Variants in EYS observed in about 807,000 individuals in gnomAD.
The protein encoded by EYS is protein eyes shut homolog.
A neutral mutation model predicts 282.1 loss-of-function variants in EYS; 250 were observed. The ratio of observed to expected loss-of-function variants is 0.89; its 90% CI spans 0.80 to 0.98. EYS has a LOEUF of 0.98. EYS is among the 50% of genes least tolerant of loss of function. EYS has a pLI of 0.00. For missense variants in EYS, 4,016 were observed against 3,709.0 expected (o/e 1.08, Z -2.15); for synonymous variants, 1,355 against 1,282.9 (o/e 1.06, Z -1.20).
In EYS at chr6:65,334,731, A is replaced by G. The variant is rs7758925; in HGVS notation, c.1766+249T>C. Reference sequence around the variant, plus strand: ...TATGCTAACTTAATTCTACAATGACATAGAGAAGTTATTTCTATACAGATA... The same window carrying G: ...TATGCTAACTTAATTCTACAATGACGTAGAGAAGTTATTTCTATACAGATA... On this transcript the variant is annotated intron_variant, in intron 11 of 42. Transcript: ENST00000503581. 8.0e-3 allele frequency among the ~76,000 whole-genome samples: 1,219 copies of G among 151,972 alleles called. 14 individuals carry two copies. Among genetic ancestry groups the G allele is most frequent in the African/African-American group, 0.028 (1,166 of 41,514 alleles).
At chr6:64,516,610 G>T (rs1777566699) in intron 26 of EYS, among the ~76,000 whole-genome samples, 1 of 151,460 alleles carries the variant, frequency 6.6e-6, no homozygotes. Flanking sequence ...GTCAGTCCTA[G>T]AATGGCAGAC....
At chr6:64,031,545 CG>C (rs1769837473) in intron 33 of EYS, among the ~76,000 whole-genome samples, 1 of 152,250 alleles carries the variant, frequency 6.6e-6, no homozygotes, top group African/African-American at 2.4e-5. Context: ...GCTCCACCTG[CG>C]GCCCGGTGCA....
chr6:63,756,878 C>T (rs923942394), intron 41 of EYS, among the ~76,000 whole-genome samples: 2 of 152,116 alleles, frequency 1.3e-5, no homozygotes, highest in Non-Finnish European at 2.9e-5. Flanking sequence ...AATTTCTTAT[C>T]CCTGTCTTTA....
chr6:64,624,365 A>G (rs780689979), intron 23 of EYS, among the ~76,000 whole-genome samples: 11 of 152,314 alleles, frequency 7.2e-5, no homozygotes, highest in Admixed American at 1.3e-4. Context: ...CAAAATTTAT[A>G]TGGGTATTTT....
At chr6:64,260,883 T>C (rs1767562848) in intron 30 of EYS, among the ~76,000 whole-genome samples, 1 of 152,054 alleles carries the variant, frequency 6.6e-6, no homozygotes, top group South Asian at 2.1e-4. Context: ...TTTTAGTTTT[T>C]AGTTTTTAAT....
rs375520810 is a variant in EYS at position 64,436,458 on chromosome 6, T to C, written c.5836-193A>G. ...CCTAGATTTAATACATACAAATATA[T>C]GAGTATTATATAGATATAAATACAC... On this transcript the variant is annotated intron_variant, in intron 27 of 42. Coordinates refer to ENST00000503581, the MANE Select transcript of EYS (RefSeq NM_001142800.2). Among the ~76,000 whole-genome samples the C allele has an allele frequency of 1.2e-4, 18 of 151,990 alleles. No homozygotes were observed. In the East Asian group the frequency reaches 3.1e-3, roughly 26 times the overall value.
intron 31 of EYS, among the ~76,000 whole-genome samples, chr6:64,135,578 G>A (rs912044493): frequency 2.0e-5 from 3 of 151,946 alleles, no homozygotes; most frequent in African/African-American, 4.8e-5. Context: ...TTGGGTGTAG[G>A]TGAAACTGAC....
At chr6:64,672,265 G>T (rs1769489136) in intron 22 of EYS, among the ~76,000 whole-genome samples, 2 of 152,184 alleles carry the variant, frequency 1.3e-5, no homozygotes, top group African/African-American at 4.8e-5. Context: ...AGCAGCCACA[G>T]AACAGCAGTG....
chr6:64,946,920 A>G (rs1253763588), intron 14 of EYS, among the ~76,000 whole-genome samples: 1 of 151,960 alleles, frequency 6.6e-6, no homozygotes, highest in Admixed American at 6.6e-5. Context: ...TGTAGTGGCT[A>G]CTAGAAAAGT....
At chr6:64,042,838 T>TGG (rs1562170536) in intron 33 of EYS, among the ~76,000 whole-genome samples, 1 of 152,190 alleles carries the variant, frequency 6.6e-6, no homozygotes, top group Non-Finnish European at 1.5e-5. Flanking sequence ...TTTTCCTTTG[T>TGG]CTCCGCATCC....
At chr6:64,900,638 C>T (rs1003232567) in intron 18 of EYS, among the ~76,000 whole-genome samples, 4 of 152,186 alleles carry the variant, frequency 2.6e-5, no homozygotes, top group African/African-American at 9.7e-5. Context: ...AAAAGCTCAT[C>T]ATCACTGGTC....
chr6:64,363,690 A>G lies in EYS; in HGVS notation c.6078+25000T>C, dbSNP rs572687061. Among the ~76,000 whole-genome samples the G allele has an allele frequency of 2.6e-5, 4 of 152,052 alleles. No homozygotes were observed. The East Asian group carries it at 7.8e-4, about 30-fold the overall frequency. Reference sequence around the variant, plus strand: ...TTAAAAGCTATGCAAAATCATCGTCAATCTACCAAATAGTGTGTCAGAAGT... The same window carrying G: ...TTAAAAGCTATGCAAAATCATCGTCGATCTACCAAATAGTGTGTCAGAAGT... On this transcript the variant is annotated intron_variant, in intron 29 of 42. Transcript: ENST00000503581.
chr6:63,743,402 C>A (rs1769133010), intron 41 of EYS, among the ~76,000 whole-genome samples: 1 of 152,122 alleles, frequency 6.6e-6, no homozygotes, highest in South Asian at 2.1e-4. Flanking sequence ...TCAGCTTGCA[C>A]CTAAGTAATA....
At chr6:65,395,207 G>T (rs888400077) in intron 7 of EYS, among the ~76,000 whole-genome samples, 1 of 152,102 alleles carries the variant, frequency 6.6e-6, no homozygotes, top group Non-Finnish European at 1.5e-5. Flanking sequence ...AGGATTAAAG[G>T]CATGCGCCAC....
chr6:65,218,406 T>C (rs993119750), intron 12 of EYS, among the ~76,000 whole-genome samples: 1 of 152,134 alleles, frequency 6.6e-6, no homozygotes, highest in Non-Finnish European at 1.5e-5. Flanking sequence ...TTGTGATACC[T>C]CACTGAGGTA....
chr6:63,858,987 G>A (rs890933562), intron 36 of EYS, among the ~76,000 whole-genome samples: 6 of 148,136 alleles, frequency 4.1e-5, no homozygotes, highest in African/African-American at 1.3e-4. Flanking sequence ...GTAATACCTT[G>A]GCTTGTCTTT....
intron 12 of EYS, among the ~76,000 whole-genome samples, chr6:65,253,754 G>A (rs371763185): frequency 1.3e-5 from 2 of 151,794 alleles, no homozygotes; most frequent in African/African-American, 4.8e-5. Flanking sequence ...GAAAGTTAAA[G>A]TTAATAGAGT....
chr6:64,883,161 T>C (rs1035923028), intron 19 of EYS, among the ~76,000 whole-genome samples: 27 of 151,480 alleles, frequency 1.8e-4, no homozygotes, highest in Admixed American at 1.7e-3. Context: ...AGGCAGATTG[T>C]TTTACTTCTT....
intron 1 of EYS, among the ~76,000 whole-genome samples, chr6:65,674,209 G>C (rs59107941): frequency 1.3e-5 from 2 of 151,288 alleles, no homozygotes; most frequent in African/African-American, 2.4e-5. Flanking sequence ...GAGTTAAAGA[G>C]GTAAAACTCT....
Sources: allele counts gnomAD v4.1 joint callset (sites outside exome capture counted in the v4.1 genomes callset), GRCh38; gene constraint gnomAD v4.1.1; transcripts MANE v1.5; gene names NCBI Gene and HGNC (gene_info 2026-07-23, HGNC 2026-07-21).